The following AFAP1L1 variants were observed in gnomAD, a reference collection of about 807,000 sequenced individuals.
AFAP1L1 encodes the protein actin filament-associated protein 1-like 1.
AFAP1L1 carries 77 observed loss-of-function variants against 99.8 expected under a neutral mutation model. The observed-to-expected ratio is 0.77, with a 90% CI of 0.64 to 0.93. AFAP1L1 has a LOEUF of 0.93. Ranked by LOEUF, AFAP1L1 falls within the 40% of genes least tolerant of loss-of-function variation. AFAP1L1 has a pLI of 0.00. For missense variants in AFAP1L1, 893 were observed against 996.8 expected (o/e 0.90, Z 1.40); for synonymous variants, 373 against 395.3 (o/e 0.94, Z 0.67).
Position 149,320,691 on chromosome 5 carries a change from T to C in AFAP1L1, c.1698+228T>C, listed in dbSNP as rs1756925801. Among the ~76,000 whole-genome samples the C allele has an allele frequency of 6.6e-6, 1 of 152,244 alleles. No homozygotes were observed. Among genetic ancestry groups the C allele is most frequent in the African/African-American group, 2.4e-5 (1 of 41,466 alleles). ...ACCCAGGTTGGGAGGAAGAAAGGGC[T>C]GTGCAGACTCCCAAACACTACCAAA... On this transcript the variant is annotated intron_variant, in intron 14 of 18. Transcript: ENST00000296721. This position sits in a 1 kb window ranked among gnomAD's most constrained non-coding sequence, Gnocchi z 4.0.
At chr5:149,315,507 A>G (rs879458365) in intron 9 of AFAP1L1, 11 of 330,076 alleles carry the variant, frequency 3.3e-5, no homozygotes, top group African/African-American at 1.1e-4. Context: ...TGAGTGTTCC[A>G]CTTAAATACT....
chr5:149,301,750 G>A (rs1756223188), intron 4 of AFAP1L1, among the ~76,000 whole-genome samples: 1 of 152,166 alleles, frequency 6.6e-6, no homozygotes, highest in Middle Eastern at 3.2e-3. Context: ...CATGGAATTA[G>A]AGCAAGGGGC....
chr5:149,283,566 CT>C (rs1266806143), intron 1 of AFAP1L1, among the ~76,000 whole-genome samples: 1 of 151,646 alleles, frequency 6.6e-6, no homozygotes, highest in African/African-American at 2.4e-5. Context: ...ATTTTGTTCT[CT>C]TTTTTTTCAA....
At chr5:149,301,301 C>T (rs1756202893) in intron 4 of AFAP1L1, 71 bp downstream of exon 4, 4 of 1,460,698 alleles carry the variant, frequency 2.7e-6, no homozygotes, top group Non-Finnish European at 1.9e-6. Flanking sequence ...AAGCTCTCCC[C>T]TTCCCACTGG....
At chr5:149,286,263 TA>T (rs1331428569) in intron 1 of AFAP1L1, among the ~76,000 whole-genome samples, 2 of 152,232 alleles carry the variant, frequency 1.3e-5, no homozygotes, top group East Asian at 3.9e-4. Flanking sequence ...GTATTATTAT[TA>T]TCCAAATTTT....
intron 18 of AFAP1L1, 111 bp from the exon 19 acceptor site, chr5:149,339,896 C>G: frequency 8.4e-7 from 1 of 1,184,052 alleles, no homozygotes; most frequent in Non-Finnish European, 1.2e-6. Context: ...TAGAACCCAA[C>G]GCAACCTGGC....
chr5:149,292,176 A>C (rs1755880441), intron 1 of AFAP1L1, among the ~76,000 whole-genome samples: 1 of 152,278 alleles, frequency 6.6e-6, no homozygotes, highest in African/African-American at 2.4e-5. Context: ...CTAGTTTGAT[A>C]GGAGCCAATA....
chr5:149,307,818 TTCTCTCTCTCTC>T (rs70973517), intron 7 of AFAP1L1, among the ~76,000 whole-genome samples: 11 of 100,500 alleles, frequency 1.1e-4, no homozygotes, highest in African/African-American at 2.4e-4. Flanking sequence ...GTGCCTCTCT[TTCTCTCTCTCTC>T]TCTCTCTCTC....
chr5:149,315,220 G>T (rs1413348514), intron 9 of AFAP1L1, among the ~76,000 whole-genome samples: 1 of 152,128 alleles, frequency 6.6e-6, no homozygotes, highest in Non-Finnish European at 1.5e-5. Flanking sequence ...TTGTGTGTGG[G>T]TGTGTGGGTG....
At chr5:149,280,781 C>T (rs898901931) in intron 1 of AFAP1L1, among the ~76,000 whole-genome samples, 9 of 152,274 alleles carry the variant, frequency 5.9e-5, no homozygotes, top group Non-Finnish European at 8.8e-5. Flanking sequence ...AATGGACCTT[C>T]GGAGATGCAT....
intron 1 of AFAP1L1, among the ~76,000 whole-genome samples, chr5:149,274,081 T>A (rs1755230501): frequency 6.6e-6 from 1 of 152,170 alleles, no homozygotes; most frequent in African/African-American, 2.4e-5. Flanking sequence ...CCCTGCAGGC[T>A]TTTCTAGCCT....
intron 1 of AFAP1L1, among the ~76,000 whole-genome samples, chr5:149,278,840 C>CCT (rs766720481): frequency 2.6e-5 from 4 of 152,136 alleles, no homozygotes; most frequent in Non-Finnish European, 5.9e-5. Context: ...GGTGCTTGCC[C>CCT]CTCTCTCCCC....
At chr5:149,333,228 A>G (rs1757308257) in intron 17 of AFAP1L1, among the ~76,000 whole-genome samples, 1 of 152,220 alleles carries the variant, frequency 6.6e-6, no homozygotes, top group Non-Finnish European at 1.5e-5. Flanking sequence ...CTTAACCTGT[A>G]TTATCTCACA....
At chr5:149,337,771 T>C (rs1400930622) in intron 18 of AFAP1L1, among the ~76,000 whole-genome samples, 1 of 152,128 alleles carries the variant, frequency 6.6e-6, no homozygotes, top group African/African-American at 2.4e-5. Context: ...TACATATATA[T>C]ATACATATAT....
Position 149,307,525 on chromosome 5 carries a change from A to T in AFAP1L1, c.659A>T (p.Glu220Val). The change falls in exon 7 of 19, where the codon GAA becomes GTA. Residue 220 changes from glutamate to valine, a missense_variant. By Grantham distance (121) the Glu-to-Val change is moderately radical. Coordinates refer to ENST00000296721, the MANE Select transcript of AFAP1L1 (RefSeq NM_152406.4). ...GAGGCCTCCATGCACCTGGTGAGGG[A>T]ATGCAGGATATGTGCCTTCCTGCTG... ...SEEASMHLVR[E>V]CRICAFLLRK... 6.2e-7 allele frequency: 1 copy of T among 1,614,116 alleles called. No individual in the cohort carries two copies. Among genetic ancestry groups the T allele is most frequent in the Non-Finnish European group, 8.5e-7 (1 of 1,180,026 alleles).
At position 149,320,444 on chromosome 5, in the gene AFAP1L1, T is replaced by C. The variant is rs754306758; in HGVS notation, c.1679T>C (p.Val560Ala). The change falls in exon 14 of 19, where the codon GTT (valine) becomes GCT (alanine). Residue 560 changes from valine (V) to alanine (A), a missense_variant. Physicochemically the swap from Val to Ala is moderately conservative, Grantham distance 64. Coordinates refer to ENST00000296721, the MANE Select transcript of AFAP1L1 (RefSeq NM_152406.4). The surrounding 1 kb of genome is among the most constrained non-coding windows in gnomAD (Gnocchi z 4.0). Reference protein sequence around the residue: ...QWPEPRVYDDVPYEKMQDEEP... With the variant: ...QWPEPRVYDDAPYEKMQDEEP... ...CCTGAGCCCCGAGTCTATGATGATG[T>C]TCCTTATGAAAAGATGCAGGTACAG... 3 of 1,614,200 alleles carry C rather than the reference T, an allele frequency of 1.9e-6. No homozygotes were observed. The highest frequency in any genetic ancestry group is 2.5e-6 in the Non-Finnish European group (3 of 1,180,034).
intron 17 of AFAP1L1, 53 bp from the exon 18 acceptor site, chr5:149,335,541 G>A: frequency 1.3e-6 from 2 of 1,588,998 alleles, no homozygotes; most frequent in Non-Finnish European, 1.7e-6. Context: ...GGCTGGGTGT[G>A]TAGGTAGCCA....
At chr5:149,333,975 T>C (rs142190662) in intron 17 of AFAP1L1, among the ~76,000 whole-genome samples, 53 of 152,362 alleles carry the variant, frequency 3.5e-4, no homozygotes, top group African/African-American at 7.7e-4. Context: ...TAGATTGTAT[T>C]TTTGTTAAGA....
intron 8 of AFAP1L1, among the ~76,000 whole-genome samples, 180 bp from the exon 9 acceptor site, chr5:149,311,932 G>A (rs1756641740): frequency 6.6e-6 from 1 of 152,218 alleles, no homozygotes; most frequent in African/African-American, 2.4e-5. Flanking sequence ...GGACAGATAT[G>A]GGAGAAAGCC....
Sources: gnomAD v4.1 joint callset for allele counts (sites outside exome capture counted in the v4.1 genomes callset) on GRCh38, gnomAD v4.1.1 for gene constraint, Gnocchi (gnomAD v3.1) non-coding constraint, MANE v1.5 for transcripts, NCBI Gene and HGNC (gene_info 2026-07-23, HGNC 2026-07-21) for gene names.